GRIK2: variants seen among roughly 807,000 people sequenced by gnomAD.
The protein encoded by GRIK2 is glutamate receptor ionotropic, kainate 2.
A neutral mutation model predicts 100.3 loss-of-function variants in GRIK2; 32 were observed. The observed-to-expected ratio is 0.32, with a 90% confidence interval of 0.24 to 0.43. The LOEUF (loss-of-function observed/expected upper bound fraction) is 0.43. Ranked by LOEUF, GRIK2 falls within the 20% of genes least tolerant of loss-of-function variation. The pLI is 1.00. For synonymous variants in GRIK2, 417 were observed against 389.4 expected (o/e 1.07, Z -0.83); for missense variants, 843 against 1,114.9 (o/e 0.76, Z 3.47).
intron 7 of GRIK2, among the ~76,000 whole-genome samples, chr6:101,750,259 A>G (rs1425356319): frequency 6.6e-6 from 1 of 152,156 alleles, no homozygotes; most frequent in Non-Finnish European, 1.5e-5. Flanking sequence ...TGTTACACAG[A>G]AGGTAAGTGA....
At chr6:101,797,490 G>C (rs1780381977) in intron 7 of GRIK2, among the ~76,000 whole-genome samples, 1 of 150,350 alleles carries the variant, frequency 6.7e-6, no homozygotes, top group Admixed American at 6.7e-5. Context: ...CTATTATTCA[G>C]AGAATAAAGT....
intron 10 of GRIK2, among the ~76,000 whole-genome samples, chr6:101,839,296 A>G (rs1007717309): frequency 2.0e-5 from 3 of 152,184 alleles, no homozygotes; most frequent in Non-Finnish European, 4.4e-5. Flanking sequence ...GTTTAGGAAT[A>G]TGAGTCTATT....
At position 101,733,442 on chromosome 6, in the gene GRIK2, G is replaced by C. The variant is rs532630218; in HGVS notation, c.951+47089G>C. ...GGCAAATTTAGGCCTCCTTCATTCT[G>C]TCTTTTTTACTATGTTCCTTTTAGT... On this transcript the variant is annotated intron_variant, in intron 7 of 16. Transcript: ENST00000369134. 5.3e-5 allele frequency among the ~76,000 whole-genome samples: 8 copies of C among 152,062 alleles called. 1 individual carries two copies. The highest frequency in any genetic ancestry group is 1.2e-4 in the Non-Finnish European group (8 of 68,012).
At chr6:101,941,052 G>C (rs1376994433) in intron 14 of GRIK2, among the ~76,000 whole-genome samples, 1 of 152,002 alleles carries the variant, frequency 6.6e-6, no homozygotes, top group Non-Finnish European at 1.5e-5. Flanking sequence ...ATTTGATTCA[G>C]TTTAAATGAT....
intron 4 of GRIK2, among the ~76,000 whole-genome samples, chr6:101,639,263 A>G (rs556387003): frequency 1.2e-4 from 19 of 152,170 alleles, no homozygotes; most frequent in African/African-American, 4.3e-4. Context: ...CAAACTCCTG[A>G]TATCAAGTGA....
At chr6:101,825,091 G>T (rs563515866) in intron 10 of GRIK2, among the ~76,000 whole-genome samples, 1 of 151,986 alleles carries the variant, frequency 6.6e-6, no homozygotes, top group African/African-American at 2.4e-5. Flanking sequence ...ATAGCATTTG[G>T]GCTTGGAAAC....
intron 2 of GRIK2, among the ~76,000 whole-genome samples, chr6:101,527,315 C>T (rs978190161): frequency 6.6e-6 from 1 of 152,124 alleles, no homozygotes; most frequent in African/African-American, 2.4e-5. Context: ...AATCAAATTC[C>T]ACCAATCAAT....
intron 4 of GRIK2, among the ~76,000 whole-genome samples, chr6:101,646,851 A>G (rs535666401): frequency 5.3e-5 from 8 of 152,090 alleles, no homozygotes; most frequent in African/African-American, 1.9e-4. Flanking sequence ...AGAGATGAAC[A>G]GAGTTTGGAG....
chr6:101,475,134 C>G (rs1016275314), intron 2 of GRIK2, among the ~76,000 whole-genome samples: 1 of 151,810 alleles, frequency 6.6e-6, no homozygotes. Flanking sequence ...CTTTCCCTGA[C>G]TCTCTCTGAT....
At chr6:101,861,578 A>C (rs1180544306) in intron 11 of GRIK2, among the ~76,000 whole-genome samples, 3 of 152,162 alleles carry the variant, frequency 2.0e-5, no homozygotes, top group Non-Finnish European at 4.4e-5. Context: ...TCGATCAACA[A>C]TAGGCAAGAT....
At chr6:101,909,379 T>TTTTTTTG (rs1262456592) in intron 12 of GRIK2, among the ~76,000 whole-genome samples, 3 of 81,984 alleles carry the variant, frequency 3.7e-5, no homozygotes, top group East Asian at 7.0e-4. Context: ...GGGTTTTCTT[T>TTTTTTTG]TTCTTTTTTT....
intron 7 of GRIK2, among the ~76,000 whole-genome samples, chr6:101,697,260 T>A (rs1772554522): frequency 6.6e-6 from 1 of 152,030 alleles, no homozygotes; most frequent in African/African-American, 2.4e-5. Context: ...GTGCTTGTGG[T>A]TTAATTAACT....
At chr6:101,538,008 T>G (rs895077154) in intron 2 of GRIK2, among the ~76,000 whole-genome samples, 2 of 151,854 alleles carry the variant, frequency 1.3e-5, no homozygotes, top group African/African-American at 4.8e-5. Context: ...AGGGAACTAC[T>G]TATTGCCATA....
chr6:101,938,848 G>A (rs772820543), intron 14 of GRIK2, among the ~76,000 whole-genome samples: 95 of 152,052 alleles, frequency 6.2e-4, no homozygotes, highest in South Asian at 2.5e-3. Flanking sequence ...TTCAGGGTTG[G>A]CGATAAAATG....
At chr6:101,792,097 G>A (rs1177571352) in intron 7 of GRIK2, among the ~76,000 whole-genome samples, 6 of 151,802 alleles carry the variant, frequency 4.0e-5, no homozygotes, top group Non-Finnish European at 2.9e-5. Flanking sequence ...GAGCCTATGT[G>A]TGTCTCTGCA....
At chr6:101,886,662 A>G (rs2039851) in intron 11 of GRIK2, among the ~76,000 whole-genome samples, 11,344 of 151,854 alleles carry the variant, frequency 0.075, 1,092 homozygotes, top group African/African-American at 0.23. Flanking sequence ...AGAATGCAAT[A>G]TATTATTACC....
chr6:101,779,824 C>T (rs1016209555), intron 7 of GRIK2, among the ~76,000 whole-genome samples: 1 of 151,864 alleles, frequency 6.6e-6, no homozygotes, highest in Non-Finnish European at 1.5e-5. Flanking sequence ...GTATATAATC[C>T]ATATGCATAT....
intron 11 of GRIK2, among the ~76,000 whole-genome samples, chr6:101,864,160 AAG>A (rs1491051613): frequency 1.1e-4 from 16 of 151,792 alleles, no homozygotes; most frequent in Non-Finnish European, 2.2e-4. Flanking sequence ...AAAAAAAAAA[AAG>A]AAGATGTGGA....
intron 2 of GRIK2, among the ~76,000 whole-genome samples, chr6:101,414,761 T>G (rs563187947): frequency 1.7e-4 from 26 of 152,256 alleles, no homozygotes; most frequent in African/African-American, 6.3e-4. Context: ...AAATAGCTAT[T>G]CCCTGGTGCA....
Sources: allele counts gnomAD v4.1 joint callset (sites outside exome capture counted in the v4.1 genomes callset), GRCh38; gene constraint gnomAD v4.1.1; transcripts MANE v1.5; gene names NCBI Gene and HGNC (gene_info 2026-07-23, HGNC 2026-07-21).